AFDN: variants seen among roughly 807,000 people sequenced by gnomAD.
AFDN encodes the protein afadin.
Under a neutral mutation model 216.6 loss-of-function variants are expected in AFDN, and 68 were observed. That is an observed-to-expected ratio of 0.31 (90% CI 0.26 to 0.38). The LOEUF (loss-of-function observed/expected upper bound fraction) is 0.38. Among genes scored for constraint, AFDN ranks in the 10% least tolerant of loss-of-function variants. The pLI is 1.00. For missense variants in AFDN, 2,136 were observed against 2,342.0 expected (o/e 0.91, Z 1.82); for synonymous variants, 868 against 853.7 (o/e 1.02, Z -0.29).
intron 9 of AFDN, among the ~76,000 whole-genome samples, chr6:167,895,811 A>G (rs1167198329): frequency 6.6e-6 from 1 of 152,170 alleles, no homozygotes; most frequent in South Asian, 2.1e-4. Flanking sequence ...AGGTAATGGA[A>G]TCAGCGGGTT....
chr6:167,939,650 T>A (rs1438355578), intron 23 of AFDN, among the ~76,000 whole-genome samples: 1 of 152,178 alleles, frequency 6.6e-6, no homozygotes, highest in Non-Finnish European at 1.5e-5. Flanking sequence ...GTGAATGAAA[T>A]TGTCGTTTAA....
intron 1 of AFDN, among the ~76,000 whole-genome samples, chr6:167,851,046 G>A (rs1034116837): frequency 1.3e-5 from 2 of 152,064 alleles, no homozygotes; most frequent in African/African-American, 4.8e-5. Context: ...TCAACCTCCT[G>A]CTGGGGTTAC....
chr6:167,951,767 C>G lies in AFDN; in HGVS notation c.4413C>G (p.Pro1471=), dbSNP rs199757028. The G allele has an allele frequency of 1.1e-5, 18 of 1,614,112 alleles. No individual in the cohort carries two copies. Among genetic ancestry groups the G allele is most frequent in the Middle Eastern group, 1.6e-4 (1 of 6,062 alleles). ...FSPLTAQQMK[P]EKPSTLQRPQ... ...CCCTGACTGCACAGCAGATGAAGCC[C>G]GAAAAGCCTTCCACACTCCAGCGGC... is the stretch of plus-strand genomic sequence containing the variant. Residue 1471 remains proline, a synonymous_variant, in exon 30 of 34, where the codon CCC becomes CCG. Transcript: ENST00000683244. The surrounding 1 kb of genome is among the most constrained non-coding windows in gnomAD (Gnocchi z 7.1).
chr6:167,963,219 C>G (rs1797210410), intron 31 of AFDN: 1 of 1,065,354 alleles, frequency 9.4e-7, no homozygotes, highest in African/African-American at 1.6e-5. Flanking sequence ...ATGTTTCTCT[C>G]CATATCTCCC....
rs113967685 is a variant in AFDN at position 167,878,758 on chromosome 6, C to T, written c.740-1602C>T. Among the ~76,000 whole-genome samples the T allele has an allele frequency of 4.7e-4, 72 of 152,228 alleles. 2 individuals are homozygous for T. Among genetic ancestry groups the T allele is most frequent in the African/African-American group, 1.6e-3 (68 of 41,520 alleles). ...TTCCTGACCTCATCTGCCCCTTTTCCCCTCGCTCTGTCCGTACTGGCCAGT... is the reference window on the plus strand; with the variant it reads ...TTCCTGACCTCATCTGCCCCTTTTCTCCTCGCTCTGTCCGTACTGGCCAGT... On this transcript the variant is annotated intron_variant, in intron 5 of 33. Transcript: ENST00000683244.
At chr6:167,944,620 G>A (rs1795059538) in intron 26 of AFDN, among the ~76,000 whole-genome samples, 1 of 152,128 alleles carries the variant, frequency 6.6e-6, no homozygotes. Flanking sequence ...TTCGTCCTTA[G>A]TTTATCTCAT....
chr6:167,874,334 A>G (rs1224832253), intron 4 of AFDN, among the ~76,000 whole-genome samples: 3 of 152,196 alleles, frequency 2.0e-5, no homozygotes, highest in Non-Finnish European at 4.4e-5. Flanking sequence ...GAGTTGTTCA[A>G]CTTGATTAAA....
At chr6:167,881,195 A>G (rs946951599) in intron 6 of AFDN, among the ~76,000 whole-genome samples, 1 of 152,224 alleles carries the variant, frequency 6.6e-6, no homozygotes, top group African/African-American at 2.4e-5. Flanking sequence ...AGCTACAGGT[A>G]GAATTAAATA....
chr6:167,838,316 G>GCCATCTCA (rs1458625176), intron 1 of AFDN, among the ~76,000 whole-genome samples: 3 of 59,088 alleles, frequency 5.1e-5, no homozygotes, highest in African/African-American at 1.2e-4. Context: ...GCCTGCTCAT[G>GCCATCTCA]CCATCTCGCC....
chr6:167,951,602 GAGAA>G lies in AFDN; in HGVS notation c.4252_4255del (p.Lys1418GlufsTer38), dbSNP rs1351137671. On this transcript the variant is annotated frameshift_variant, in exon 30 of 34. Transcript: ENST00000683244. LOFTEE classifies it high-confidence loss of function. The surrounding 1 kb of genome is among the most constrained non-coding windows in gnomAD (Gnocchi z 7.1). ...CTGCGCAGGTGGCTGCTGCTGAACGGAGAAAGAGAGAAGAACATCAGCGTTGGTA... is the reference window on the plus strand; with the variant it reads ...CTGCGCAGGTGGCTGCTGCTGAACGGAGAGAGAAGAACATCAGCGTTGGTA... 1.2e-6 allele frequency: 2 copies of G among 1,614,096 alleles called. No homozygotes were observed. The highest frequency in any genetic ancestry group is 8.5e-7 in the Non-Finnish European group (1 of 1,180,026).
intron 1 of AFDN, among the ~76,000 whole-genome samples, chr6:167,862,260 G>A (rs1194427797): frequency 6.6e-6 from 1 of 152,190 alleles, no homozygotes; most frequent in Non-Finnish European, 1.5e-5. Context: ...TGCGTAGGAC[G>A]TGGTCAGCAC....
At chr6:167,965,734 C>T (rs946030190) in intron 31 of AFDN, 23 bp from the exon 32 acceptor site, 4 of 1,507,812 alleles carry the variant, frequency 2.7e-6, no homozygotes, top group Non-Finnish European at 3.5e-6. Flanking sequence ...GACCTTTGCA[C>T]TCTTGTCTAT....
At chr6:167,915,021 G>GT in intron 18 of AFDN, 147 bp from the exon 19 acceptor site, 1 of 825,532 alleles carries the variant, frequency 1.2e-6, no homozygotes, top group East Asian at 2.5e-5. Flanking sequence ...TCATGTCACT[G>GT]TTTCCTCTTG....
In AFDN at chr6:167,864,532, C is replaced by G; in HGVS notation, c.106-19C>G. The G allele has an allele frequency of 6.3e-7, 1 of 1,594,650 alleles. No homozygotes were observed. The highest frequency in any genetic ancestry group is 8.6e-7 in the Non-Finnish European group (1 of 1,166,028). ...CAGAATGTTGTTTTCCAAAAATGTA[C>G]CATTTTGTTTTCTTTTAGGATTTGG... On this transcript the variant is annotated intron_variant, in intron 1 of 33. Coordinates refer to ENST00000683244, the MANE Select transcript of AFDN (RefSeq NM_001386888.1).
intron 23 of AFDN, among the ~76,000 whole-genome samples, chr6:167,929,150 T>C (rs1222505215): frequency 1.3e-5 from 2 of 152,012 alleles, no homozygotes; most frequent in African/African-American, 4.8e-5. Flanking sequence ...TGGTGTCTAA[T>C]AGTTAAAATA....
At chr6:167,915,475 A>G (rs779689820) in intron 19 of AFDN, 42 bp downstream of exon 19, 5 of 1,564,266 alleles carry the variant, frequency 3.2e-6, no homozygotes, top group Admixed American at 1.8e-5. Context: ...GCTTTATGAT[A>G]AAGGCATCTG....
intron 6 of AFDN, among the ~76,000 whole-genome samples, chr6:167,888,712 A>C (rs1055184999): frequency 1.3e-5 from 2 of 152,232 alleles, no homozygotes; most frequent in African/African-American, 4.8e-5. Flanking sequence ...AATATATTTA[A>C]ATGGTCTGAT....
chr6:167,960,146 G>A (rs1181100990), intron 30 of AFDN, among the ~76,000 whole-genome samples: 1 of 152,166 alleles, frequency 6.6e-6, no homozygotes, highest in Non-Finnish European at 1.5e-5. Flanking sequence ...CTTTGTGAAT[G>A]GTGGGAGTAA....
At chr6:167,897,493 G>A (rs924736572) in intron 10 of AFDN, among the ~76,000 whole-genome samples, 1 of 151,974 alleles carries the variant, frequency 6.6e-6, no homozygotes, top group Admixed American at 6.6e-5. Context: ...TAAGATGATG[G>A]GTTCAGATTG....
Sources: gnomAD v4.1 joint callset for allele counts (sites outside exome capture counted in the v4.1 genomes callset) on GRCh38, gnomAD v4.1.1 for gene constraint, Gnocchi (gnomAD v3.1) non-coding constraint, MANE v1.5 for transcripts, NCBI Gene and HGNC (gene_info 2026-07-23, HGNC 2026-07-21) for gene names.